The following SHANK1 variants were observed in gnomAD, a reference collection of about 807,000 sequenced individuals.
SHANK1 encodes the protein SH3 and multiple ankyrin repeat domains 1, also known as SH3 and multiple ankyrin repeat domains protein 1.
Under a neutral mutation model 165.6 loss-of-function variants are expected in SHANK1, and 35 were observed. That is an observed-to-expected ratio of 0.21 (90% CI 0.16 to 0.28). SHANK1 has a LOEUF of 0.28. Ranked by LOEUF, SHANK1 falls within the 10% of genes least tolerant of loss-of-function variation. The pLI is 1.00. For synonymous variants in SHANK1, 1,428 were observed against 1,384.8 expected, an observed-to-expected ratio of 1.03 and a Z score of -0.69; for missense variants, 2,681 against 3,036.4, an observed-to-expected ratio of 0.88 and a Z score of 2.75.
rs564261128 is a variant in SHANK1 at position 50,703,048 on chromosome 19, C to A, written c.1554-388G>T. On this transcript the variant is annotated intron_variant, in intron 11 of 23. Transcript: ENST00000293441. ...GCCTCTCCCCCACTTCCTCGGGACACGCCTGGCTGGCCTTCGCCTCCTTCT... is the reference window on the plus strand; with the variant it reads ...GCCTCTCCCCCACTTCCTCGGGACAAGCCTGGCTGGCCTTCGCCTCCTTCT... 2.0e-5 allele frequency among the ~76,000 whole-genome samples: 3 copies of A among 152,162 alleles called. No homozygotes were observed. The East Asian group carries it at 5.8e-4, about 29-fold the overall frequency.
At chr19:50,708,048 G>A (rs2088966864) in intron 8 of SHANK1, among the ~76,000 whole-genome samples, 1 of 151,574 alleles carries the variant, frequency 6.6e-6, no homozygotes. Flanking sequence ...CCTGAGTTCA[G>A]GCAATTCTCT....
At chr19:50,687,052 G>C in intron 19 of SHANK1, 1 of 1,471,810 alleles carries the variant, frequency 6.8e-7, no homozygotes, top group Non-Finnish European at 9.0e-7. Context: ...TAGCCCGGGG[G>C]AGAGGCAGTA....
rs552485625 is a variant in SHANK1, at chr19:50,660,237, G to C, written c.*1728C>G. Among the ~76,000 whole-genome samples, 12 of 87,692 alleles carry C rather than the reference G, an allele frequency of 1.4e-4. No homozygotes were observed. Among genetic ancestry groups the C allele is most frequent in the African/African-American group, 3.5e-4 (12 of 33,978 alleles). The allele number at this position is 87,692 out of a possible 152,430, so 57.5% of individuals were successfully genotyped here. Reference sequence around the variant, plus strand: ...CCGGGAATAAGCGGAGAGAGGAAGCGTGCGGGAAGGAACAGCCATGCTGGA... The same window carrying C: ...CCGGGAATAAGCGGAGAGAGGAAGCCTGCGGGAAGGAACAGCCATGCTGGA... On this transcript the variant is annotated 3_prime_UTR_variant, in exon 24 of 24. Transcript: ENST00000293441.
chr19:50,702,770 G>C lies in SHANK1; in HGVS notation c.1554-110C>G, dbSNP rs1007241996. 7.3e-6 allele frequency: 5 copies of C among 680,836 alleles called. No individual in the cohort carries two copies. The African/African-American group carries it at 9.1e-5, about 12-fold the overall frequency. The allele number at this position is 680,836 out of a possible 1,614,324, so 42.2% of individuals were successfully genotyped here. The stretch of plus-strand genomic sequence containing the variant: ...AGGACGGTGCATCAGGGGGGAGGGG[G>C]GGTTTCCCAGCACTGGCGTCCTCCA... On this transcript the variant is annotated intron_variant, in intron 11 of 23. Coordinates refer to ENST00000293441, the MANE Select transcript of SHANK1 (RefSeq NM_016148.5). The surrounding 1 kb of genome is among the most constrained non-coding windows in gnomAD (Gnocchi z 5.3).
At chr19:50,693,674 C>T (rs1986620275) in intron 15 of SHANK1, among the ~76,000 whole-genome samples, 1 of 152,062 alleles carries the variant, frequency 6.6e-6, no homozygotes, top group Non-Finnish European at 1.5e-5. Context: ...CCCCTTCCCA[C>T]GTACCCGTGT....
chr19:50,688,713 G>C lies in SHANK1; in HGVS notation c.2172+131C>G. On this transcript the variant is annotated intron_variant, in intron 17 of 23. Transcript: ENST00000293441. This position sits in a 1 kb window ranked among gnomAD's most constrained non-coding sequence, Gnocchi z 6.7. ...CTGGGGAAAGCAGAGGCTGGCTGGG[G>C]GGTGGGCAGGGGGCTGGGAATCCTG... is the stretch of plus-strand genomic sequence containing the variant. The C allele has an allele frequency of 1.3e-6, 1 of 789,580 alleles. No individual in the cohort carries two copies. The highest frequency in any genetic ancestry group is 2.0e-6 in the Non-Finnish European group (1 of 492,948). 48.9% of individuals were successfully genotyped at this position (789,580 alleles called of 1,614,324 possible).
chr19:50,710,763 G>A (rs1179180330), intron 8 of SHANK1, among the ~76,000 whole-genome samples: 1 of 152,182 alleles, frequency 6.6e-6, no homozygotes, highest in Admixed American at 6.5e-5. Flanking sequence ...CAGGGGCCAC[G>A]GGGGCTGCAC....
intron 18 of SHANK1, 87 bp from the exon 19 acceptor site, chr19:50,687,749 G>A (rs1452930249): frequency 7.3e-7 from 1 of 1,361,828 alleles, no homozygotes. Context: ...AGGGCTCAGA[G>A]AATAGCCATT....
intron 21 of SHANK1, among the ~76,000 whole-genome samples, chr19:50,672,555 CAA>C (rs3987747): frequency 8.4e-5 from 3 of 35,508 alleles, no homozygotes; most frequent in African/African-American, 1.1e-4. Flanking sequence ...GACTCTGTCT[CAA>C]AAAAAAAAAA....
intron 18 of SHANK1, 114 bp downstream of exon 18, chr19:50,687,809 G>A (rs534121489): frequency 3.8e-5 from 54 of 1,439,874 alleles, no homozygotes; most frequent in African/African-American, 3.6e-4. Context: ...CAAGGGTCAC[G>A]GAGAAGCAGT....
intron 12 of SHANK1, among the ~76,000 whole-genome samples, chr19:50,699,533 G>C (rs1282341071): frequency 6.6e-6 from 1 of 152,204 alleles, no homozygotes; most frequent in Non-Finnish European, 1.5e-5. Flanking sequence ...TAGGAGCTGG[G>C]GAGGCAAAGA....
Position 50,666,392 on chromosome 19 carries a change from G to A in SHANK1, c.5568C>T (p.Ala1856=), listed in dbSNP as rs376621727. The part of the protein sequence containing the change: ...PPPPPLPGPL[A]QPQASALATV... ...TGGCCAAGGCTGAGGCCTGAGGCTG[G>A]GCCAAGGGCCCGGGCAGAGGTGGTG... The change falls in exon 23 of 24, where the codon GCC becomes GCT. Residue 1856 remains alanine, a synonymous_variant. Coordinates refer to ENST00000293441, the MANE Select transcript of SHANK1 (RefSeq NM_016148.5). 8.9e-5 allele frequency: 144 copies of A among 1,613,212 alleles called. No individual in the cohort carries two copies. The highest frequency in any genetic ancestry group is 1.2e-4 in the Non-Finnish European group (141 of 1,179,788).
chr19:50,709,043 G>A (rs1282683764), intron 8 of SHANK1, among the ~76,000 whole-genome samples: 4 of 152,222 alleles, frequency 2.6e-5, no homozygotes, highest in African/African-American at 9.7e-5. Flanking sequence ...GGAAATGGAG[G>A]AATCAAGTTC....
rs550400570 is a variant in SHANK1 at position 50,678,417 on chromosome 19, G to A, written c.2578-6303C>T. ...GGAAACACCTGCATGGGGCACGGGGGCAGGTGGTGGGGGCCAGAGGGAGAG... is the reference window on the plus strand; with the variant it reads ...GGAAACACCTGCATGGGGCACGGGGACAGGTGGTGGGGGCCAGAGGGAGAG... On this transcript the variant is annotated intron_variant, in intron 21 of 23. Coordinates refer to ENST00000293441, the MANE Select transcript of SHANK1 (RefSeq NM_016148.5). Among the ~76,000 whole-genome samples, 7 of 152,058 alleles carry A rather than the reference G, an allele frequency of 4.6e-5. No homozygotes were observed. The South Asian group carries it at 1.2e-3, about 27-fold the overall frequency.
At chr19:50,695,999 A>C (rs1427980130) in intron 15 of SHANK1, among the ~76,000 whole-genome samples, 1 of 152,188 alleles carries the variant, frequency 6.6e-6, no homozygotes, top group Non-Finnish European at 1.5e-5. Flanking sequence ...AGGCCAGCGC[A>C]GACAGGGTCC....
In SHANK1 at chr19:50,667,355, C is replaced by T. The variant is rs1300738946; in HGVS notation, c.4605G>A (p.Arg1535=). The T allele has an allele frequency of 1.9e-6, 3 of 1,551,502 alleles. No homozygotes were observed. The highest frequency in any genetic ancestry group is 3.6e-5 in the Admixed American group (2 of 56,176). The part of the protein sequence containing the change: ...RSVPPSPTSP[R]ASEENGLPLL... The stretch of plus-strand genomic sequence containing the variant: ...GGGGCAGCCCGTTCTCTTCGCTGGC[C>T]CTCGGGGAGGTCGGGGAGGGGGGCA... The change falls in exon 23 of 24, where the codon AGG becomes AGA. Residue 1535 remains arginine, a synonymous_variant. Coordinates refer to ENST00000293441, the MANE Select transcript of SHANK1 (RefSeq NM_016148.5). The surrounding 1 kb of genome is among the most constrained non-coding windows in gnomAD (Gnocchi z 5.7).
chr19:50,683,515 C>G (rs547126568), intron 21 of SHANK1, among the ~76,000 whole-genome samples: 2 of 152,254 alleles, frequency 1.3e-5, no homozygotes, highest in Admixed American at 1.3e-4. Context: ...CTCTAACATA[C>G]GTATTTTCTC....
At position 50,688,103 on chromosome 19, in the gene SHANK1, G is replaced by A. The variant is rs1468045114; in HGVS notation, c.2173-45C>T. 6.2e-7 allele frequency: 1 copy of A among 1,609,754 alleles called. No individual in the cohort carries two copies. Among genetic ancestry groups the A allele is most frequent in the Admixed American group, 1.7e-5 (1 of 59,904 alleles). Reference sequence around the variant, plus strand: ...AGATCACACAGAGTAGACGAGGGGAGGGGTGCTTGCAGCTTCAGAGACCCC... The same window carrying A: ...AGATCACACAGAGTAGACGAGGGGAAGGGTGCTTGCAGCTTCAGAGACCCC... On this transcript the variant is annotated intron_variant, in intron 17 of 23. Coordinates refer to ENST00000293441, the MANE Select transcript of SHANK1 (RefSeq NM_016148.5). This position sits in a 1 kb window ranked among gnomAD's most constrained non-coding sequence, Gnocchi z 6.7.
intron 21 of SHANK1, 21 bp from the exon 22 acceptor site, chr19:50,672,135 G>A (rs1424827920): frequency 3.1e-6 from 5 of 1,587,698 alleles, no homozygotes; most frequent in African/African-American, 2.7e-5. Flanking sequence ...GCAGTCAGAG[G>A]GGGAGAGAGA....
Sources: gnomAD v4.1 joint callset for allele counts (sites outside exome capture counted in the v4.1 genomes callset) on GRCh38, gnomAD v4.1.1 for gene constraint, Gnocchi (gnomAD v3.1) non-coding constraint, MANE v1.5 for transcripts, NCBI Gene and HGNC (gene_info 2026-07-23, HGNC 2026-07-21) for gene names.